The following DOCK3 variants were observed in gnomAD, a reference collection of about 807,000 sequenced individuals.
DOCK3 encodes dedicator of cytokinesis protein 3.
DOCK3 carries 60 observed loss-of-function variants against 265.6 expected under a neutral mutation model. That is an observed-to-expected ratio of 0.23 (90% CI 0.18 to 0.28). DOCK3 has a LOEUF of 0.28. Among genes scored for constraint, DOCK3 ranks in the 10% least tolerant of loss-of-function variants. The probability of loss-of-function intolerance (pLI) is 1.00; values close to 1 mark genes in which losing one functional copy is unlikely to be tolerated. For missense variants in DOCK3, 1,981 were observed against 2,594.3 expected (o/e 0.76, Z 5.14); for synonymous variants, 881 against 938.0 (o/e 0.94, Z 1.11).
At chr3:50,814,992 A>G (rs1304681315) in intron 2 of DOCK3, among the ~76,000 whole-genome samples, 1 of 151,784 alleles carries the variant, frequency 6.6e-6, no homozygotes, top group Non-Finnish European at 1.5e-5. Context: ...GCCCACCTAC[A>G]TTTTGTATTT....
At chr3:50,942,203 A>T (rs921802178) in intron 5 of DOCK3, among the ~76,000 whole-genome samples, 2 of 152,028 alleles carry the variant, frequency 1.3e-5, no homozygotes, top group Non-Finnish European at 2.9e-5. Flanking sequence ...TTTGCCAGTT[A>T]TTCAGTAATT....
chr3:51,127,956 G>A (rs1485390522), intron 9 of DOCK3, among the ~76,000 whole-genome samples: 3 of 152,160 alleles, frequency 2.0e-5, no homozygotes, highest in Non-Finnish European at 4.4e-5. Context: ...TACTTCCGTT[G>A]TGGAGCAGTA....
chr3:50,857,214 C>T (rs935123390), intron 3 of DOCK3, among the ~76,000 whole-genome samples: 1 of 152,076 alleles, frequency 6.6e-6, no homozygotes, highest in Admixed American at 6.6e-5. Flanking sequence ...AGTTCCTCCT[C>T]CTTGATATTT....
intron 10 of DOCK3, among the ~76,000 whole-genome samples, chr3:51,153,733 G>A (rs2085721043): frequency 6.6e-6 from 1 of 152,196 alleles, no homozygotes; most frequent in South Asian, 2.1e-4. Flanking sequence ...CTTAGAAAAG[G>A]TTTGGAAATC....
chr3:50,700,653 C>G (rs1432829815), intron 1 of DOCK3, among the ~76,000 whole-genome samples: 1 of 118,810 alleles, frequency 8.4e-6, no homozygotes, highest in African/African-American at 3.0e-5. Flanking sequence ...ATTGTGTGTA[C>G]ATACCACATT....
At chr3:51,004,239 G>A (rs181794423) in intron 5 of DOCK3, among the ~76,000 whole-genome samples, 1 of 152,080 alleles carries the variant, frequency 6.6e-6, no homozygotes, top group East Asian at 1.9e-4. Context: ...TCACTCTGGG[G>A]GAATCCAGCT....
intron 5 of DOCK3, among the ~76,000 whole-genome samples, chr3:51,058,022 G>A (rs577372989): frequency 7.2e-5 from 11 of 152,066 alleles, no homozygotes; most frequent in Non-Finnish European, 1.3e-4. Context: ...AACTCAGTTG[G>A]GCATTTTTCA....
At chr3:51,090,451 C>A in intron 9 of DOCK3, 67 bp downstream of exon 9, 1 of 1,450,840 alleles carries the variant, frequency 6.9e-7, no homozygotes, top group South Asian at 1.4e-5. Context: ...GCATCTCTGG[C>A]CATCAGAGAA....
rs9879398 is a variant in DOCK3, at chr3:50,758,885, A to G, written c.38-19790A>G. Among the ~76,000 whole-genome samples the G allele has an allele frequency of 3.5e-3, 527 of 152,282 alleles. 4 individuals carry two copies. The highest frequency in any genetic ancestry group is 0.012 in the African/African-American group (508 of 41,546). ...CATATAAAATTTTCCTTTTGTGACT[A>G]GCTTATTTTACTTAGTGTAGTACTT... On this transcript the variant is annotated intron_variant, in intron 1 of 52. Transcript: ENST00000266037.
intron 4 of DOCK3, among the ~76,000 whole-genome samples, chr3:50,890,296 G>A (rs2048578755): frequency 6.6e-6 from 1 of 151,922 alleles, no homozygotes; most frequent in African/African-American, 2.4e-5. Flanking sequence ...TGTTAGCTGT[G>A]AATTTTATAA....
At chr3:50,689,976 A>C (rs1483230971) in intron 1 of DOCK3, among the ~76,000 whole-genome samples, 3 of 152,130 alleles carry the variant, frequency 2.0e-5, no homozygotes, top group African/African-American at 7.2e-5. Context: ...AATTTTGATG[A>C]AGTCCAATTT....
intron 9 of DOCK3, among the ~76,000 whole-genome samples, chr3:51,094,995 C>CTT (rs879555974): frequency 1.4e-5 from 2 of 139,626 alleles, no homozygotes; most frequent in Non-Finnish European, 1.6e-5. Context: ...TCAACTCCTG[C>CTT]TTTTTTTTTT....
chr3:51,095,104 T>C (rs1033354626), intron 9 of DOCK3, among the ~76,000 whole-genome samples: 1 of 152,050 alleles, frequency 6.6e-6, no homozygotes, highest in African/African-American at 2.4e-5. Context: ...GGGTCTTGAC[T>C]CTTTATCCAA....
At chr3:51,106,675 G>A (rs188774323) in intron 9 of DOCK3, among the ~76,000 whole-genome samples, 14 of 152,318 alleles carry the variant, frequency 9.2e-5, no homozygotes, top group Non-Finnish European at 1.8e-4. Flanking sequence ...ACTGCTGCCG[G>A]CATCAACGCA....
chr3:50,699,895 A>T (rs146231842), intron 1 of DOCK3, among the ~76,000 whole-genome samples: 8 of 152,276 alleles, frequency 5.3e-5, no homozygotes, highest in African/African-American at 1.9e-4. Flanking sequence ...TGATATTTTG[A>T]TACATGCATA....
intron 3 of DOCK3, among the ~76,000 whole-genome samples, chr3:50,871,064 T>C (rs1251845675): frequency 3.9e-5 from 6 of 152,110 alleles, no homozygotes; most frequent in Non-Finnish European, 8.8e-5. Context: ...TTATATATAA[T>C]ATTCTGTATT....
Position 51,310,341 on chromosome 3 carries a change from G to C in DOCK3, c.3017+15G>C, listed in dbSNP as rs752985324. 1 of 1,570,318 alleles carries C rather than the reference G, an allele frequency of 6.4e-7. No homozygotes were observed. Among genetic ancestry groups the C allele is most frequent in the Non-Finnish European group, 8.7e-7 (1 of 1,153,328 alleles). On this transcript the variant is annotated intron_variant, in intron 28 of 52. Transcript: ENST00000266037. ...CTCACAAGCAAGTAAGTATGGAAGG[G>C]CTCTGTATCAGCATCACTGAGCTGT...
chr3:51,249,434 T>C (rs1351747913), intron 22 of DOCK3, among the ~76,000 whole-genome samples: 465 of 65,412 alleles, frequency 7.1e-3, no homozygotes, highest in Middle Eastern at 0.012. Flanking sequence ...GGCGCCTCTG[T>C]CCGGCCGCCC....
At chr3:51,366,599 C>T (rs2087195331) in intron 49 of DOCK3, among the ~76,000 whole-genome samples, 1 of 152,184 alleles carries the variant, frequency 6.6e-6, no homozygotes, top group African/African-American at 2.4e-5. Flanking sequence ...AATTTTAGAT[C>T]TTTCCTGCTT....
Sources: gnomAD v4.1 joint callset for allele counts (sites outside exome capture counted in the v4.1 genomes callset) on GRCh38, gnomAD v4.1.1 for gene constraint, MANE v1.5 for transcripts, NCBI Gene and HGNC (gene_info 2026-07-23, HGNC 2026-07-21) for gene names.